Variants in ROBO2 observed in about 807,000 individuals in gnomAD.
ROBO2 encodes the protein roundabout guidance receptor 2.
ROBO2 carries 53 observed loss-of-function variants against 160.8 expected under a neutral mutation model. The observed-to-expected ratio is 0.33, with a 90% CI of 0.26 to 0.41. ROBO2 has a LOEUF of 0.41. Among genes scored for constraint, ROBO2 ranks in the 10% least tolerant of loss-of-function variants. The probability of loss-of-function intolerance (pLI) is 1.00; values close to 1 mark genes in which losing one functional copy is unlikely to be tolerated. For missense variants in ROBO2, 1,577 were observed against 1,722.4 expected (o/e 0.92, Z 1.49); for synonymous variants, 664 against 611.7 (o/e 1.09, Z -1.26).
chr3:77,289,412 G>A (rs957972945), intron 2 of ROBO2, among the ~76,000 whole-genome samples: 15 of 146,986 alleles, frequency 1.0e-4, no homozygotes, highest in East Asian at 4.1e-4. Flanking sequence ...TTTAAACGGG[G>A]ACACTGAGGC....
intron 2 of ROBO2, among the ~76,000 whole-genome samples, chr3:77,152,127 A>G (rs2077597329): frequency 6.6e-6 from 1 of 152,160 alleles, no homozygotes; most frequent in African/African-American, 2.4e-5. Context: ...ACTATGGACT[A>G]CCTGTTCACA....
intron 2 of ROBO2, among the ~76,000 whole-genome samples, chr3:77,445,808 T>G (rs1356533572): frequency 1.3e-5 from 2 of 150,732 alleles, no homozygotes; most frequent in Non-Finnish European, 3.0e-5. Flanking sequence ...TTTTTTTTTT[T>G]TTTGCTAATT....
At chr3:76,998,374 G>T (rs2061148625) in intron 2 of ROBO2, among the ~76,000 whole-genome samples, 1 of 152,178 alleles carries the variant, frequency 6.6e-6, no homozygotes, top group Non-Finnish European at 1.5e-5. Context: ...GAGAGAAGTT[G>T]AAAGTACTTT....
intron 2 of ROBO2, among the ~76,000 whole-genome samples, chr3:76,342,660 T>C (rs567926855): frequency 6.6e-6 from 1 of 152,274 alleles, no homozygotes; most frequent in South Asian, 2.1e-4. Context: ...GGCAATTATA[T>C]GCTAGCCATG....
At chr3:76,049,403 A>ATATATATTT (rs1414664360) in intron 2 of ROBO2, among the ~76,000 whole-genome samples, 1 of 53,758 alleles carries the variant, frequency 1.9e-5, no homozygotes, top group Non-Finnish European at 2.7e-5. Context: ...ATATATATAT[A>ATATATATTT]TTTTTTTTTT....
At chr3:76,969,564 A>T (rs2059470324) in intron 2 of ROBO2, among the ~76,000 whole-genome samples, 1 of 152,204 alleles carries the variant, frequency 6.6e-6, no homozygotes. Flanking sequence ...GTTAAAAATA[A>T]TTCTTTTGAA....
At chr3:76,067,679 A>T (rs2068301979) in intron 2 of ROBO2, among the ~76,000 whole-genome samples, 1 of 151,926 alleles carries the variant, frequency 6.6e-6, no homozygotes. Flanking sequence ...TAGGAAATGT[A>T]TTTTTTTTGT....
chr3:77,259,653 T>C (rs1332061548), intron 2 of ROBO2, among the ~76,000 whole-genome samples: 3 of 152,226 alleles, frequency 2.0e-5, no homozygotes, highest in Non-Finnish European at 4.4e-5. Flanking sequence ...TAAACCCTTA[T>C]TCTCTGAAAG....
At chr3:77,128,330 TC>T (rs1193439543) in intron 2 of ROBO2, among the ~76,000 whole-genome samples, 5 of 152,160 alleles carry the variant, frequency 3.3e-5, no homozygotes, top group Non-Finnish European at 7.4e-5. Context: ...CTCTCATTAG[TC>T]ATTTAGGAGA....
At chr3:77,563,996 G>A (rs1352961411) in intron 11 of ROBO2, among the ~76,000 whole-genome samples, 1 of 151,992 alleles carries the variant, frequency 6.6e-6, no homozygotes, top group African/African-American at 2.4e-5. Context: ...GGTAAAATAT[G>A]CTTTCATATT....
At chr3:77,536,481 A>G (rs2092112615) in intron 6 of ROBO2, among the ~76,000 whole-genome samples, 1 of 145,868 alleles carries the variant, frequency 6.9e-6, no homozygotes. Flanking sequence ...TTCTCTCTCT[A>G]TGGTTTCTCC....
intron 1 of ROBO2, among the ~76,000 whole-genome samples, chr3:77,090,607 G>A (rs1450784602): frequency 6.6e-6 from 1 of 151,886 alleles, no homozygotes; most frequent in Non-Finnish European, 1.5e-5. Flanking sequence ...GCCCGCCTCG[G>A]CCTCCCAAAG....
intron 2 of ROBO2, among the ~76,000 whole-genome samples, chr3:77,330,861 A>AT (rs369676302): frequency 6.6e-6 from 1 of 152,116 alleles, no homozygotes; most frequent in Non-Finnish European, 1.5e-5. Context: ...GTAAAGTATT[A>AT]TTTTTTTAAG....
At chr3:77,504,416 C>CA (rs60117495) in intron 5 of ROBO2, among the ~76,000 whole-genome samples, 44,078 of 142,462 alleles carry the variant, frequency 0.31, 6,718 homozygotes, top group East Asian at 0.39. Flanking sequence ...CAGTGCTTCT[C>CA]AAAAAAAAAA....
chr3:76,906,860 A>G (rs944955855), intron 2 of ROBO2, among the ~76,000 whole-genome samples: 9 of 152,132 alleles, frequency 5.9e-5, no homozygotes, highest in African/African-American at 2.2e-4. Flanking sequence ...TTTGACTACA[A>G]ATATATTAAA....
At chr3:77,250,698 G>T (rs575525770) in intron 2 of ROBO2, among the ~76,000 whole-genome samples, 1 of 152,278 alleles carries the variant, frequency 6.6e-6, no homozygotes, top group African/African-American at 2.4e-5. Flanking sequence ...TTGGAAAGAG[G>T]AGATGCATCT....
chr3:77,271,566 C>G (rs977516103), intron 2 of ROBO2, among the ~76,000 whole-genome samples: 5 of 152,342 alleles, frequency 3.3e-5, no homozygotes, highest in Admixed American at 2.6e-4. Context: ...CCTCCACAGT[C>G]TGCTATTCTT....
At chr3:76,293,079 A>G (rs1400024854) in intron 2 of ROBO2, among the ~76,000 whole-genome samples, 1 of 152,088 alleles carries the variant, frequency 6.6e-6, no homozygotes, top group Admixed American at 6.5e-5. Flanking sequence ...ATACAAGGAA[A>G]AATTCTGAAG....
At chr3:76,014,826 G>A (rs2066359160) in intron 2 of ROBO2, among the ~76,000 whole-genome samples, 1 of 152,214 alleles carries the variant, frequency 6.6e-6, no homozygotes, top group Admixed American at 6.5e-5. Context: ...TACCTGGGAG[G>A]CTGTGGCAGA....
Sources: gnomAD v4.1 joint callset for allele counts (sites outside exome capture counted in the v4.1 genomes callset) on GRCh38, gnomAD v4.1.1 for gene constraint, MANE v1.5 for transcripts, NCBI Gene and HGNC (gene_info 2026-07-23, HGNC 2026-07-21) for gene names.